The following ITGB3BP variants were observed in gnomAD, a reference collection of about 807,000 sequenced individuals.
ITGB3BP encodes integrin subunit beta 3 binding protein, also known as centromere protein R.
A neutral mutation model predicts 29.1 loss-of-function variants in ITGB3BP; 27 were observed. The ratio of observed to expected loss-of-function variants is 0.93; its 90% CI spans 0.68 to 1.28. The LOEUF (loss-of-function observed/expected upper bound fraction) is 1.28, where lower values mean the gene tolerates loss of function less well. Among genes scored for constraint, ITGB3BP ranks in the 50% most tolerant of loss-of-function variants. ITGB3BP has a pLI of 0.00. For synonymous variants in ITGB3BP, 61 were observed against 61.4 expected, an observed-to-expected ratio of 0.99 and a Z score of 0.03; for missense variants, 192 against 200.2, an observed-to-expected ratio of 0.96 and a Z score of 0.25.
chr1:63,450,520 G>A (rs1644847656), intron 7 of ITGB3BP, among the ~76,000 whole-genome samples: 1 of 151,854 alleles, frequency 6.6e-6, no homozygotes, highest in Admixed American at 6.6e-5. Context: ...TTAAGTAGAG[G>A]TTGATTATGT....
intron 1 of ITGB3BP, among the ~76,000 whole-genome samples, chr1:63,517,933 G>C (rs1165451160): frequency 2.0e-5 from 3 of 152,000 alleles, no homozygotes; most frequent in Admixed American, 2.0e-4. Context: ...ATATTGCCCA[G>C]GCTAATCTTG....
chr1:63,459,073 T>C (rs768782366), intron 4 of ITGB3BP, among the ~76,000 whole-genome samples: 9 of 151,148 alleles, frequency 6.0e-5, no homozygotes, highest in Non-Finnish European at 7.4e-5. Context: ...CTGTCAGTAC[T>C]ATGGAAAAAA....
At chr1:63,492,215 G>A (rs894591283) in intron 2 of ITGB3BP, among the ~76,000 whole-genome samples, 1 of 149,906 alleles carries the variant, frequency 6.7e-6, no homozygotes, top group Non-Finnish European at 1.5e-5. Flanking sequence ...GTGTGTGTGT[G>A]TGTGTGTATT....
intron 2 of ITGB3BP, among the ~76,000 whole-genome samples, chr1:63,490,904 TA>T (rs1166934238): frequency 6.6e-6 from 1 of 152,172 alleles, no homozygotes; most frequent in African/African-American, 2.4e-5. Context: ...CCTAGAGAAC[TA>T]AAAAATGTGT....
chr1:63,470,006 T>C (rs1645169223), intron 4 of ITGB3BP, among the ~76,000 whole-genome samples: 1 of 152,238 alleles, frequency 6.6e-6, no homozygotes, highest in Non-Finnish European at 1.5e-5. Context: ...GCATGAGCGA[T>C]CTATGCCTTA....
intron 7 of ITGB3BP, 187 bp downstream of exon 7, chr1:63,453,731 C>A: frequency 2.2e-6 from 1 of 462,318 alleles, no homozygotes; most frequent in Non-Finnish European, 3.8e-6. Context: ...CATCAGATAT[C>A]ATCTTCTGCT....
chr1:63,455,940 T>C (rs1267872634), intron 4 of ITGB3BP, among the ~76,000 whole-genome samples: 1 of 152,140 alleles, frequency 6.6e-6, no homozygotes, highest in Non-Finnish European at 1.5e-5. Context: ...ATATAATGAA[T>C]ATAAAAATTA....
chr1:63,491,339 CAA>C (rs1377206565), intron 2 of ITGB3BP, among the ~76,000 whole-genome samples: 1 of 152,028 alleles, frequency 6.6e-6, no homozygotes, highest in Non-Finnish European at 1.5e-5. Context: ...AGAAGAACAA[CAA>C]AGAGGTTTTA....
At chr1:63,478,654 G>T in intron 4 of ITGB3BP, 110 bp downstream of exon 4, 1 of 580,666 alleles carries the variant, frequency 1.7e-6, no homozygotes, top group Non-Finnish European at 3.0e-6. Flanking sequence ...TTTCAGGTCA[G>T]GTATAAACTA....
chr1:63,449,028 C>T (rs1050925938), intron 7 of ITGB3BP, among the ~76,000 whole-genome samples: 3 of 152,100 alleles, frequency 2.0e-5, no homozygotes, highest in African/African-American at 7.2e-5. Flanking sequence ...GTAAGCAGAA[C>T]TGTTTAAATG....
chr1:63,529,029 C>T (rs913602415), intron 2 of ITGB3BP: 1 of 152,002 alleles, frequency 6.6e-6, no homozygotes, highest in Non-Finnish European at 1.5e-5. Flanking sequence ...TAGGAGCTGG[C>T]TGGGGTTGGA....
At chr1:63,456,048 T>C (rs1371201463) in intron 4 of ITGB3BP, among the ~76,000 whole-genome samples, 1 of 152,186 alleles carries the variant, frequency 6.6e-6, no homozygotes, top group African/African-American at 2.4e-5. Flanking sequence ...TCATTAGCCA[T>C]GTATGGCTAG....
chr1:63,478,534 T>C (rs994626515), intron 4 of ITGB3BP, among the ~76,000 whole-genome samples: 2 of 152,208 alleles, frequency 1.3e-5, no homozygotes, highest in Admixed American at 6.5e-5. Context: ...ACGCATAGGC[T>C]CGGAGAACAG....
At chr1:63,500,105 C>T (rs1259093960) in intron 2 of ITGB3BP, among the ~76,000 whole-genome samples, 1 of 152,206 alleles carries the variant, frequency 6.6e-6, no homozygotes, top group Non-Finnish European at 1.5e-5. Context: ...GGCGGGGGGG[C>T]TGTGACTCAC....
chr1:63,474,864 G>A (rs1437456648), intron 4 of ITGB3BP, among the ~76,000 whole-genome samples: 1 of 148,774 alleles, frequency 6.7e-6, no homozygotes, highest in East Asian at 2.0e-4. Context: ...ATCCCCCTCT[G>A]GGAGAAACAC....
At chr1:63,512,219 T>C (rs533890659) in intron 1 of ITGB3BP, among the ~76,000 whole-genome samples, 1 of 152,238 alleles carries the variant, frequency 6.6e-6, no homozygotes, top group South Asian at 2.1e-4. Context: ...TGCAATTTTA[T>C]AGAGAGAGTA....
At chr1:63,455,256 G>C (rs939436913) in intron 4 of ITGB3BP, among the ~76,000 whole-genome samples, 1 of 151,980 alleles carries the variant, frequency 6.6e-6, no homozygotes, top group African/African-American at 2.4e-5. Context: ...CTATGAATCA[G>C]TATCACCTAG....
chr1:63,491,306 T>C (rs1645640449), intron 2 of ITGB3BP, among the ~76,000 whole-genome samples: 1 of 152,202 alleles, frequency 6.6e-6, no homozygotes, highest in African/African-American at 2.4e-5. Context: ...TGCTCTGGCC[T>C]TAAGGAGTAT....
intron 2 of ITGB3BP, among the ~76,000 whole-genome samples, chr1:63,491,668 C>A (rs1486400009): frequency 6.6e-6 from 1 of 151,344 alleles, no homozygotes. Flanking sequence ...CTATAGCATT[C>A]AAAAAAAATT....
Sources: gnomAD v4.1 joint callset for allele counts (sites outside exome capture counted in the v4.1 genomes callset) on GRCh38, gnomAD v4.1.1 for gene constraint, MANE v1.5 for transcripts, NCBI Gene and HGNC (gene_info 2026-07-23, HGNC 2026-07-21) for gene names.